Variants in TNRC6B observed in about 807,000 individuals in gnomAD.
TNRC6B encodes the protein trinucleotide repeat-containing gene 6B protein.
TNRC6B carries 52 observed loss-of-function variants against 203.6 expected under a neutral mutation model. The ratio of observed to expected loss-of-function variants is 0.26; its 90% confidence interval spans 0.20 to 0.32. The LOEUF (loss-of-function observed/expected upper bound fraction) is 0.32. TNRC6B is among the 10% of genes least tolerant of loss of function. The pLI is 1.00. For synonymous variants in TNRC6B, 838 were observed against 845.7 expected (o/e 0.99, Z 0.16); for missense variants, 1,923 against 2,286.2 (o/e 0.84, Z 3.24).
chr22:40,282,889 A>G (rs1034564177), intron 11 of TNRC6B, among the ~76,000 whole-genome samples: 4 of 152,190 alleles, frequency 2.6e-5, no homozygotes, highest in African/African-American at 9.6e-5. Context: ...TAAACAGTAT[A>G]GTTGAAGCAA....
intron 1 of TNRC6B, among the ~76,000 whole-genome samples, chr22:40,233,594 C>T (rs1450765972): frequency 2.2e-4 from 34 of 151,984 alleles, no homozygotes; most frequent in Non-Finnish European, 2.2e-4. Context: ...TGCACTCCAG[C>T]CTGGCAGCAG....
chr22:40,068,985 C>T (rs2067922335), intron 1 of TNRC6B, among the ~76,000 whole-genome samples: 1 of 152,114 alleles, frequency 6.6e-6, no homozygotes, highest in South Asian at 2.1e-4. Flanking sequence ...GAATTCCATA[C>T]ATACTATTTT....
intron 3 of TNRC6B, among the ~76,000 whole-genome samples, chr22:40,150,133 T>C (rs569948668): frequency 2.6e-5 from 4 of 152,310 alleles, no homozygotes; most frequent in African/African-American, 9.6e-5. Context: ...TTATTTTTAC[T>C]TTGGGAGGCC....
At chr22:40,229,492 T>G (rs1400167308) in intron 1 of TNRC6B, among the ~76,000 whole-genome samples, 1 of 152,072 alleles carries the variant, frequency 6.6e-6, no homozygotes, top group Non-Finnish European at 1.5e-5. Context: ...TACCTCCTTA[T>G]TGAGGTATTA....
chr22:40,157,101 T>G (rs1404708451), intron 4 of TNRC6B, among the ~76,000 whole-genome samples: 1 of 152,030 alleles, frequency 6.6e-6, no homozygotes, highest in Non-Finnish European at 1.5e-5. Context: ...AAACCTGAAG[T>G]TGGGAGTCTG....
At chr22:40,318,389 T>C (rs1269454231) in intron 21 of TNRC6B, among the ~76,000 whole-genome samples, 1 of 151,566 alleles carries the variant, frequency 6.6e-6, no homozygotes, top group Non-Finnish European at 1.5e-5. Flanking sequence ...TTACTAAAAA[T>C]ACAAAAAATT....
At chr22:40,177,595 C>A (rs1241896288), upstream of TNRC6B, among the ~76,000 whole-genome samples, 1 of 152,130 alleles carries the variant, frequency 6.6e-6, no homozygotes, top group Non-Finnish European at 1.5e-5. Context: ...CCTGTGCTTG[C>A]CCAAACATCT....
intron 6 of TNRC6B, among the ~76,000 whole-genome samples, 198 bp from the exon 7 acceptor site, chr22:40,273,227 A>G (rs1210522053): frequency 2.0e-5 from 3 of 152,214 alleles, no homozygotes; most frequent in Non-Finnish European, 4.4e-5. Flanking sequence ...ATGGTTTGTT[A>G]ACTTTCTGTG....
intron 5 of TNRC6B, among the ~76,000 whole-genome samples, chr22:40,268,780 C>T (rs1349992269): frequency 2.0e-5 from 3 of 151,894 alleles, no homozygotes; most frequent in Admixed American, 6.6e-5. Flanking sequence ...GGCGTGGTGG[C>T]GGGCACCTGT....
chr22:40,282,649 A>G (rs1447117957), intron 11 of TNRC6B, among the ~76,000 whole-genome samples: 1 of 152,194 alleles, frequency 6.6e-6, no homozygotes, highest in Non-Finnish European at 1.5e-5. Flanking sequence ...AGGCTCTAAA[A>G]AAAGGTCATT....
intron 3 of TNRC6B, among the ~76,000 whole-genome samples, chr22:40,252,180 A>T (rs1236717622): frequency 6.6e-6 from 1 of 152,196 alleles, no homozygotes; most frequent in Non-Finnish European, 1.5e-5. Context: ...GCCCACTTAA[A>T]TATGTGTTTC....
chr22:40,263,222 T>C lies in TNRC6B; in HGVS notation c.457+1049T>C, dbSNP rs552633934. Among the ~76,000 whole-genome samples the C allele has an allele frequency of 1.6e-4, 24 of 152,346 alleles. No individual in the cohort carries two copies. In the South Asian group the frequency reaches 4.8e-3, roughly 30 times the overall value. ...GGCATTGGCAAAGATAATGAATTGA[T>C]GGTTGTCACCAGTAGGATGCTTTAT... On this transcript the variant is annotated intron_variant, in intron 4 of 22. Transcript: ENST00000454349.
At chr22:40,272,507 CAT>C (rs1480790155) in intron 6 of TNRC6B, among the ~76,000 whole-genome samples, 4 of 152,202 alleles carry the variant, frequency 2.6e-5, no homozygotes, top group Non-Finnish European at 2.9e-5. Flanking sequence ...AATGTCCTGT[CAT>C]GTGGGAGAGT....
intron 1 of TNRC6B, among the ~76,000 whole-genome samples, chr22:40,089,317 C>T (rs1039232285): frequency 6.6e-6 from 1 of 152,094 alleles, no homozygotes; most frequent in Non-Finnish European, 1.5e-5. Context: ...ACTGCAACCT[C>T]CGCCTCCCGT....
chr22:40,274,420 C>T (rs1022298830), intron 7 of TNRC6B, among the ~76,000 whole-genome samples: 1 of 148,632 alleles, frequency 6.7e-6, no homozygotes, highest in African/African-American at 2.5e-5. Flanking sequence ...TTAATGATAT[C>T]TCTTTTTTTT....
At position 40,333,982 on chromosome 22, in the gene TNRC6B, C is replaced by T. The variant is rs541843146; in HGVS notation, c.*10741C>T. ...CACTGATCTTGTATAGTGACGACTT[C>T]CTTTGAAGGAAGAAGCTTGATTATA... On this transcript the variant is annotated 3_prime_UTR_variant, in exon 23 of 23. Transcript: ENST00000454349. The T allele has an allele frequency of 1.3e-5, 2 of 152,634 alleles. No individual in the cohort carries two copies. Among genetic ancestry groups the T allele is most frequent in the Admixed American group, 6.5e-5 (1 of 15,282 alleles). The allele number at this position is 152,634 out of a possible 1,614,324, so 9.5% of individuals were successfully genotyped here.
Position 40,155,571 on chromosome 22 carries a change from G to A in TNRC6B, c.46-544G>A, listed in dbSNP as rs373885211. Among the ~76,000 whole-genome samples the A allele has an allele frequency of 4.6e-5, 7 of 152,148 alleles. No individual in the cohort carries two copies. In the East Asian group the frequency reaches 1.3e-3, roughly 29 times the overall value. ...CAAAGTGCTGGGATTACAGGCGTGA[G>A]CCACCCTGCCTGGCTGACAAAACTG... On this transcript the variant is annotated intron_variant, in intron 3 of 23. Transcript: ENST00000301923.
intron 3 of TNRC6B, among the ~76,000 whole-genome samples, chr22:40,138,244 T>C (rs923769886): frequency 2.6e-5 from 4 of 152,058 alleles, no homozygotes; most frequent in African/African-American, 9.7e-5. Flanking sequence ...TAGAGCAAGG[T>C]ATTGGATGTA....
intron 21 of TNRC6B, among the ~76,000 whole-genome samples, chr22:40,320,473 C>G (rs2071320586): frequency 1.3e-5 from 2 of 152,198 alleles, no homozygotes; most frequent in African/African-American, 2.4e-5. Context: ...GAGCAAGGCT[C>G]TGTCTCAAAA....
Sources: allele counts gnomAD v4.1 joint callset (sites outside exome capture counted in the v4.1 genomes callset), GRCh38; gene constraint gnomAD v4.1.1; transcripts MANE v1.5; gene names NCBI Gene and HGNC (gene_info 2026-07-23, HGNC 2026-07-21).